CHST8: variants seen among roughly 807,000 people sequenced by gnomAD.
CHST8 encodes the protein GALNAC-4-ST1.
A neutral mutation model predicts 15.0 loss-of-function variants in CHST8; 10 were observed. The ratio of observed to expected loss-of-function variants is 0.67; its 90% confidence interval spans 0.41 to 1.13. The LOEUF is 1.13. Ranked by LOEUF, CHST8 falls within the 50% of genes most tolerant of loss-of-function variation. The pLI, the probability that CHST8 is intolerant of heterozygous loss-of-function variation, is 0.00. For missense variants in CHST8, 634 were observed against 608.2 expected, an observed-to-expected ratio of 1.04 and a Z score of -0.45; for synonymous variants, 259 against 256.6, an observed-to-expected ratio of 1.01 and a Z score of -0.09.
intron 1 of CHST8, among the ~76,000 whole-genome samples, chr19:33,651,542 A>G (rs1346589761): frequency 6.6e-6 from 1 of 152,146 alleles, no homozygotes; most frequent in South Asian, 2.1e-4. Flanking sequence ...TCTGTAATGC[A>G]TTTCTGAATT....
chr19:33,757,861 C>T (rs1974634867), intron 3 of CHST8, among the ~76,000 whole-genome samples: 1 of 152,184 alleles, frequency 6.6e-6, no homozygotes, highest in Non-Finnish European at 1.5e-5. Flanking sequence ...CAGTATTATG[C>T]TCAAGTTTGA....
At chr19:33,696,798 C>T (rs1292420695) in intron 3 of CHST8, among the ~76,000 whole-genome samples, 1 of 151,722 alleles carries the variant, frequency 6.6e-6, no homozygotes, top group South Asian at 2.1e-4. Context: ...CAGTGAAAAG[C>T]GTTCCCTTTT....
At chr19:33,743,393 G>A (rs867364738) in intron 3 of CHST8, among the ~76,000 whole-genome samples, 13 of 135,118 alleles carry the variant, frequency 9.6e-5, no homozygotes, top group Non-Finnish European at 1.8e-4. Flanking sequence ...TCCGCCCCCC[G>A]GGGGTTCATG....
chr19:33,643,319 A>G (rs2145202870), intron 1 of CHST8, among the ~76,000 whole-genome samples: 1 of 152,202 alleles, frequency 6.6e-6, no homozygotes, highest in Non-Finnish European at 1.5e-5. Context: ...CATACATTTT[A>G]TTTTTACCAA....
chr19:33,696,441 C>T (rs754352893), intron 3 of CHST8, among the ~76,000 whole-genome samples: 1 of 152,008 alleles, frequency 6.6e-6, no homozygotes, highest in African/African-American at 2.4e-5. Flanking sequence ...CAGAAGAGCT[C>T]GAACCCTCTT....
chr19:33,740,981 T>G (rs182703429), intron 3 of CHST8, among the ~76,000 whole-genome samples: 1 of 152,046 alleles, frequency 6.6e-6, no homozygotes, highest in Non-Finnish European at 1.5e-5. Flanking sequence ...TAGAGCGGGG[T>G]ATCATTGGGA....
intron 2 of CHST8, among the ~76,000 whole-genome samples, chr19:33,675,094 A>G (rs1972792263): frequency 6.6e-6 from 1 of 152,192 alleles, no homozygotes; most frequent in Non-Finnish European, 1.5e-5. Flanking sequence ...GTGAATGTGT[A>G]GTGGGCCCTG....
chr19:33,641,199 C>T (rs1309554378), intron 1 of CHST8, among the ~76,000 whole-genome samples: 3 of 152,204 alleles, frequency 2.0e-5, no homozygotes, highest in Non-Finnish European at 4.4e-5. Context: ...CACCGTCCAT[C>T]CCAGAGCATC....
intron 3 of CHST8, among the ~76,000 whole-genome samples, chr19:33,695,155 C>T (rs1444973148): frequency 6.6e-6 from 1 of 152,062 alleles, no homozygotes; most frequent in Admixed American, 6.5e-5. Flanking sequence ...CCATGTTGCC[C>T]AGACTGGTCT....
chr19:33,772,867 G>A lies in CHST8; in HGVS notation c.1079G>A (p.Ser360Asn), dbSNP rs1041650711. Residue 360 changes from serine (S) to asparagine (N), a missense_variant, in exon 5 of 5, where the codon AGC (serine) becomes AAC (asparagine). Coordinates refer to ENST00000650847, the MANE Select transcript of CHST8 (RefSeq NM_001127895.2). ...GAGGACGATGCCAACTTCTTCCTGA[G>A]CCTCATCCGCGCGCCGCGGAACCTG... The part of the protein sequence containing the change: ...SMEDDANFFL[S>N]LIRAPRNLTF... 2.0e-5 allele frequency: 33 copies of A among 1,613,400 alleles called. No homozygotes were observed. The highest frequency in any genetic ancestry group is 3.3e-5 in the Admixed American group (2 of 60,012).
chr19:33,718,980 A>C (rs1272136139), intron 3 of CHST8, among the ~76,000 whole-genome samples: 1 of 151,920 alleles, frequency 6.6e-6, no homozygotes, highest in Non-Finnish European at 1.5e-5. Context: ...GGGGCTCTGG[A>C]CTTGTTGGAG....
At chr19:33,752,030 C>T (rs1219698095) in intron 3 of CHST8, among the ~76,000 whole-genome samples, 1 of 152,204 alleles carries the variant, frequency 6.6e-6, no homozygotes, top group East Asian at 1.9e-4. Flanking sequence ...CAACCCTGCA[C>T]CTAGGATTGG....
chr19:33,772,335 C>A lies in CHST8; in HGVS notation c.547C>A (p.Arg183Ser). The change falls in exon 5 of 5, where the codon CGT (arginine) becomes AGT (serine). Residue 183 changes from arginine (R) to serine (S), a missense_variant. Arg to Ser is a moderately radical substitution (Grantham distance 110). Transcript: ENST00000650847. ...GGCCGTCACGCCCCGCCACGTGTCC[C>A]GTATCTTCGTGGAGGACCGCCACCG... Reference protein sequence around the residue: ...RRAVTPRHVSRIFVEDRHRVL... With the variant: ...RRAVTPRHVSSIFVEDRHRVL... The A allele has an allele frequency of 6.2e-7, 1 of 1,606,226 alleles. No individual in the cohort carries two copies. Among genetic ancestry groups the A allele is most frequent in the Non-Finnish European group, 8.5e-7 (1 of 1,179,212 alleles).
chr19:33,696,095 G>C (rs1279630870), intron 3 of CHST8, among the ~76,000 whole-genome samples: 2 of 151,718 alleles, frequency 1.3e-5, no homozygotes, highest in Non-Finnish European at 2.9e-5. Flanking sequence ...CAAAGTGCTG[G>C]GATTGCAGGC....
chr19:33,712,765 T>C (rs1164845939), intron 3 of CHST8, among the ~76,000 whole-genome samples: 1 of 151,978 alleles, frequency 6.6e-6, no homozygotes, highest in African/African-American at 2.4e-5. Flanking sequence ...GCCAAGTGAG[T>C]TGAGGAGGAG....
At chr19:33,698,403 G>A (rs796979466) in intron 3 of CHST8, among the ~76,000 whole-genome samples, 4 of 95,910 alleles carry the variant, frequency 4.2e-5, no homozygotes, top group African/African-American at 1.1e-4. Context: ...AAAAAAAAAA[G>A]AAAGAAAGAA....
intron 3 of CHST8, among the ~76,000 whole-genome samples, chr19:33,712,246 A>T (rs964449446): frequency 1.3e-5 from 2 of 152,028 alleles, no homozygotes; most frequent in Admixed American, 1.3e-4. Context: ...GTGAGGGGGG[A>T]TTCCCATCCA....
chr19:33,722,389 A>G (rs1462488907), intron 3 of CHST8, among the ~76,000 whole-genome samples: 4 of 152,170 alleles, frequency 2.6e-5, no homozygotes, highest in Admixed American at 2.6e-4. Flanking sequence ...ATGGGTAGGT[A>G]CATGTAGTAA....
At chr19:33,687,581 C>T (rs571550277) in intron 2 of CHST8, among the ~76,000 whole-genome samples, 9 of 152,170 alleles carry the variant, frequency 5.9e-5, no homozygotes, top group Non-Finnish European at 1.2e-4. Context: ...CCAGATAGCC[C>T]AGCGTCAGGT....
Sources: gnomAD v4.1 joint callset for allele counts (sites outside exome capture counted in the v4.1 genomes callset) on GRCh38, gnomAD v4.1.1 for gene constraint, MANE v1.5 for transcripts, NCBI Gene and HGNC (gene_info 2026-07-23, HGNC 2026-07-21) for gene names.